Variants in CUX2 observed in about 807,000 individuals in gnomAD.
CUX2 encodes homeobox protein cut-like 2.
Under a neutral mutation model 144.8 loss-of-function variants are expected in CUX2, and 40 were observed. The observed-to-expected ratio is 0.28, with a 90% CI of 0.21 to 0.36. The LOEUF (loss-of-function observed/expected upper bound fraction) is 0.36, where lower values mean the gene tolerates loss of function less well. CUX2 is among the 10% of genes least tolerant of loss of function. CUX2 has a pLI of 1.00. For synonymous variants in CUX2, 827 were observed against 875.6 expected, an observed-to-expected ratio of 0.94 and a Z score of 0.98; for missense variants, 1,615 against 1,994.0, an observed-to-expected ratio of 0.81 and a Z score of 3.62.
intron 1 of CUX2, among the ~76,000 whole-genome samples, chr12:111,134,881 A>G (rs964832956): frequency 6.6e-6 from 1 of 152,178 alleles, no homozygotes; most frequent in African/African-American, 2.4e-5. Flanking sequence ...TTGGGTTCCT[A>G]CAGCTAGTTC....
At chr12:111,107,485 G>A (rs929445948) in intron 1 of CUX2, among the ~76,000 whole-genome samples, 49 of 152,240 alleles carry the variant, frequency 3.2e-4, no homozygotes, top group African/African-American at 1.2e-3. Flanking sequence ...GTTGCCTCAG[G>A]GAGTTCCGGG....
chr12:111,086,772 A>T (rs1473201527), intron 1 of CUX2, among the ~76,000 whole-genome samples: 1 of 152,192 alleles, frequency 6.6e-6, no homozygotes, highest in Non-Finnish European at 1.5e-5. Context: ...GAGGATTAAA[A>T]GTGATGAGGC....
chr12:111,070,397 C>T (rs374090188), intron 1 of CUX2, among the ~76,000 whole-genome samples: 16 of 614 alleles, frequency 0.026, 1 homozygote, highest in African/African-American at 0.045. Context: ...TCCTTCTTTC[C>T]TTCCTTCCTT....
chr12:111,136,864 A>G (rs1347170302), intron 1 of CUX2, among the ~76,000 whole-genome samples: 1 of 152,110 alleles, frequency 6.6e-6, no homozygotes, highest in Non-Finnish European at 1.5e-5. Context: ...GTCTCACTAA[A>G]CAGTCTCAAG....
chr12:111,282,947 T>C (rs535035007), intron 4 of CUX2, among the ~76,000 whole-genome samples: 1 of 152,190 alleles, frequency 6.6e-6, no homozygotes, highest in East Asian at 1.9e-4. Flanking sequence ...GTGTGGTGGC[T>C]CACGTCTGTA....
In CUX2 at chr12:111,183,600, T is replaced by A. The variant is rs376414945; in HGVS notation, c.64-30600T>A. On this transcript the variant is annotated intron_variant, in intron 1 of 21. Transcript: ENST00000261726. ...ACAGACCTTGGTTTGAATCCCAGCC[T>A]CATCACATTCTTAGCTTTGTGTGAC... 3.3e-5 allele frequency among the ~76,000 whole-genome samples: 5 copies of A among 152,208 alleles called. No individual in the cohort carries two copies. The South Asian group carries it at 6.2e-4, about 19-fold the overall frequency.
Position 111,160,534 on chromosome 12 carries a change from G to A in CUX2, c.64-53666G>A, listed in dbSNP as rs937227765. ...CCTGGTCCAAGAACTCGCGTGACCC[G>A]GCACAGAGGGGGCGCGAGATGCGAG... is the stretch of plus-strand genomic sequence containing the variant. On this transcript the variant is annotated intron_variant, in intron 1 of 21. Coordinates refer to ENST00000261726, the MANE Select transcript of CUX2 (RefSeq NM_015267.4). This position sits in a 1 kb window ranked among gnomAD's most constrained non-coding sequence, Gnocchi z 4.1. 7.2e-5 allele frequency among the ~76,000 whole-genome samples: 11 copies of A among 152,198 alleles called. No individual in the cohort carries two copies. Among genetic ancestry groups the A allele is most frequent in the African/African-American group, 1.4e-4 (6 of 41,446 alleles).
intron 4 of CUX2, among the ~76,000 whole-genome samples, chr12:111,284,866 G>A (rs1885296108): frequency 6.6e-6 from 1 of 152,168 alleles, no homozygotes; most frequent in African/African-American, 2.4e-5. Flanking sequence ...GGCACCTACT[G>A]TGTGTCAGCA....
intron 1 of CUX2, among the ~76,000 whole-genome samples, chr12:111,158,473 A>T (rs915234822): frequency 5.9e-5 from 8 of 136,614 alleles, no homozygotes; most frequent in Non-Finnish European, 7.9e-5. Flanking sequence ...AATTTTTATT[A>T]AAAAAAAAAA....
chr12:111,348,220 C>G lies in CUX2; in HGVS notation c.4356C>G (p.Asn1452Lys), dbSNP rs1484165156. 1 of 1,614,012 alleles carries G rather than the reference C, an allele frequency of 6.2e-7. No individual in the cohort carries two copies. ...AGALHPSAKV[N>K]PNLQRRHEKM... ...CCTTGCACCCCAGTGCCAAGGTGAA[C>G]CCCAACTTGCAGCGGCGGCATGAGA... Residue 1452 changes from asparagine to lysine, a missense_variant, in exon 22 of 22, where the codon AAC becomes AAG. By Grantham distance (94) the Asn-to-Lys change is moderately conservative (BLOSUM62 0). Coordinates refer to ENST00000261726, the MANE Select transcript of CUX2 (RefSeq NM_015267.4).
chr12:111,112,416 A>G (rs1454335423), intron 1 of CUX2, among the ~76,000 whole-genome samples: 1 of 152,230 alleles, frequency 6.6e-6, no homozygotes, highest in Non-Finnish European at 1.5e-5. Context: ...CATTAATTGC[A>G]TGATGCTGAA....
chr12:111,320,103 G>A lies in CUX2; in HGVS notation c.2094G>A (p.Glu698=). The change falls in exon 17 of 22, where the codon GAG becomes GAA. Residue 698 remains glutamate, a synonymous_variant. Coordinates refer to ENST00000261726, the MANE Select transcript of CUX2 (RefSeq NM_015267.4). This position sits in a 1 kb window ranked among gnomAD's most constrained non-coding sequence, Gnocchi z 8.1. ...AGGACGCCATCAAGAGCATCCTGGA[G>A]CAGGCACGCCGTGAGATGCAGGCGC... ...TSEDAIKSIL[E]QARREMQAQQ... is the part of the protein sequence containing the mutation. 4 of 1,558,780 alleles carry A rather than the reference G, an allele frequency of 2.6e-6. No individual in the cohort carries two copies. The highest frequency in any genetic ancestry group is 3.5e-6 in the Non-Finnish European group (4 of 1,155,556).
intron 3 of CUX2, among the ~76,000 whole-genome samples, chr12:111,239,802 C>G (rs1196452330): frequency 6.6e-6 from 1 of 152,180 alleles, no homozygotes; most frequent in African/African-American, 2.4e-5. Context: ...GGAGTAAGTG[C>G]AGCATCTCTG....
rs1565887173 is a variant in CUX2, at chr12:111,277,106, G to T, written c.301+13267G>T. On this transcript the variant is annotated intron_variant, in intron 4 of 21. Transcript: ENST00000261726. This position sits in a 1 kb window ranked among gnomAD's most constrained non-coding sequence, Gnocchi z 5.0. ...CCTACCCAACCTTGTGGATGTGGGG[G>T]CCCCATCTGCCCCAGGATGAATGGT... Among the ~76,000 whole-genome samples the T allele has an allele frequency of 6.6e-6, 1 of 152,124 alleles. No individual in the cohort carries two copies. The highest frequency in any genetic ancestry group is 1.5e-5 in the Non-Finnish European group (1 of 68,018).
chr12:111,123,725 G>A (rs890161274), intron 1 of CUX2, among the ~76,000 whole-genome samples: 2 of 149,290 alleles, frequency 1.3e-5, no homozygotes, highest in Admixed American at 6.7e-5. Flanking sequence ...TGGTAGAGAC[G>A]GGGTTTCACT....
At chr12:111,271,871 C>G (rs904716778) in intron 4 of CUX2, among the ~76,000 whole-genome samples, 3 of 152,070 alleles carry the variant, frequency 2.0e-5, no homozygotes, top group Non-Finnish European at 2.9e-5. Flanking sequence ...GGGATATTAA[C>G]CTTTGTCCAG....
At chr12:111,126,899 T>C (rs900848631) in intron 1 of CUX2, among the ~76,000 whole-genome samples, 1 of 152,190 alleles carries the variant, frequency 6.6e-6, no homozygotes, top group Non-Finnish European at 1.5e-5. Flanking sequence ...AACTATCCTG[T>C]GTACAACCAA....
intron 1 of CUX2, among the ~76,000 whole-genome samples, chr12:111,116,559 A>G (rs566827109): frequency 1.3e-5 from 2 of 152,304 alleles, no homozygotes; most frequent in Non-Finnish European, 1.5e-5. Flanking sequence ...TCTGAGAAGG[A>G]GTGTGATTGT....
rs150829165 is a variant in CUX2 at position 111,092,183 on chromosome 12, TG to T, written c.63+57944del. ...AGGGTGTCCTTTTCACCCTGACCTT[TG>T]TTAGGAGTTTTGTGGTGAAGAAGAG... On this transcript the variant is annotated intron_variant, in intron 1 of 21. Coordinates refer to ENST00000261726, the MANE Select transcript of CUX2 (RefSeq NM_015267.4). Among the ~76,000 whole-genome samples, 1,211 of 152,286 alleles carry T rather than the reference TG, an allele frequency of 8.0e-3. 23 individuals are homozygous for T. Among genetic ancestry groups the T allele is most frequent in the African/African-American group, 0.027 (1,131 of 41,552 alleles).
Sources: allele counts gnomAD v4.1 joint callset (sites outside exome capture counted in the v4.1 genomes callset), GRCh38; gene constraint gnomAD v4.1.1; non-coding constraint Gnocchi (gnomAD v3.1); transcripts MANE v1.5; gene names NCBI Gene and HGNC (gene_info 2026-07-23, HGNC 2026-07-21).